ITFG1: variants seen among roughly 807,000 people sequenced by gnomAD.
The protein encoded by ITFG1 is T-cell immunomodulatory protein.
A neutral mutation model predicts 81.8 loss-of-function variants in ITFG1; 34 were observed. That is an observed-to-expected ratio of 0.42 (90% CI 0.32 to 0.55). The LOEUF is 0.55. ITFG1 is among the 20% of genes least tolerant of loss of function. The probability of loss-of-function intolerance (pLI) is 0.17; values close to 1 mark genes in which losing one functional copy is unlikely to be tolerated. For synonymous variants in ITFG1, 285 were observed against 270.6 expected, an observed-to-expected ratio of 1.05 and a Z score of -0.52; for missense variants, 672 against 755.4, an observed-to-expected ratio of 0.89 and a Z score of 1.29.
intron 13 of ITFG1, among the ~76,000 whole-genome samples, chr16:47,230,471 T>C (rs1965803556): frequency 6.6e-6 from 1 of 152,074 alleles, no homozygotes; most frequent in Non-Finnish European, 1.5e-5. Flanking sequence ...GGGTAGTAGC[T>C]GGAGGGGATG....
At chr16:47,326,259 G>C (rs930304788) in intron 8 of ITFG1, among the ~76,000 whole-genome samples, 1 of 152,112 alleles carries the variant, frequency 6.6e-6, no homozygotes, top group Non-Finnish European at 1.5e-5. Flanking sequence ...AATGGCCTTT[G>C]ACAAAATTCA....
At chr16:47,417,848 G>A (rs952761422) in intron 6 of ITFG1, among the ~76,000 whole-genome samples, 4 of 152,148 alleles carry the variant, frequency 2.6e-5, no homozygotes, top group African/African-American at 9.7e-5. Context: ...TGGGGGTACA[G>A]ATATCCCTTC....
chr16:47,203,249 A>T (rs1177494825), intron 14 of ITFG1, among the ~76,000 whole-genome samples: 1 of 152,198 alleles, frequency 6.6e-6, no homozygotes, highest in Non-Finnish European at 1.5e-5. Context: ...TCACAAAAAG[A>T]CAAATACCGT....
At chr16:47,266,897 T>C (rs750418248) in intron 10 of ITFG1, among the ~76,000 whole-genome samples, 3 of 152,168 alleles carry the variant, frequency 2.0e-5, no homozygotes, top group Non-Finnish European at 2.9e-5. Context: ...TACAAAGACA[T>C]GGCTGAACCT....
At chr16:47,300,313 C>T (rs953005376) in intron 10 of ITFG1, among the ~76,000 whole-genome samples, 2 of 152,180 alleles carry the variant, frequency 1.3e-5, no homozygotes, top group Non-Finnish European at 1.5e-5. Flanking sequence ...TGTCTACATG[C>T]TATTTTGCTC....
At chr16:47,227,580 G>T (rs189107268) in intron 13 of ITFG1, among the ~76,000 whole-genome samples, 1 of 152,044 alleles carries the variant, frequency 6.6e-6, no homozygotes, top group Admixed American at 6.6e-5. Context: ...TTATAAAATT[G>T]GGGTTGGAAT....
At chr16:47,444,335 C>T (rs1596988964) in intron 5 of ITFG1, among the ~76,000 whole-genome samples, 1 of 152,072 alleles carries the variant, frequency 6.6e-6, no homozygotes, top group African/African-American at 2.4e-5. Flanking sequence ...ATTTATGTTA[C>T]AAGAAATATG....
At chr16:47,276,978 C>T (rs915226775) in intron 10 of ITFG1, among the ~76,000 whole-genome samples, 1 of 152,056 alleles carries the variant, frequency 6.6e-6, no homozygotes, top group South Asian at 2.1e-4. Flanking sequence ...TAAATAAGAT[C>T]GAGAAAAGCT....
intron 13 of ITFG1, among the ~76,000 whole-genome samples, chr16:47,228,410 A>G (rs1965780517): frequency 6.6e-6 from 1 of 152,002 alleles, no homozygotes; most frequent in Non-Finnish European, 1.5e-5. Context: ...CCCAGGCTGG[A>G]GCCCAGTGGC....
chr16:47,239,233 G>A (rs1965907507), intron 12 of ITFG1, among the ~76,000 whole-genome samples: 1 of 148,656 alleles, frequency 6.7e-6, no homozygotes, highest in Admixed American at 6.7e-5. Flanking sequence ...ACAGTCTCTT[G>A]CTCTGTCGCC....
intron 6 of ITFG1, among the ~76,000 whole-genome samples, chr16:47,391,636 G>A (rs989976955): frequency 3.3e-5 from 5 of 152,182 alleles, no homozygotes; most frequent in African/African-American, 1.2e-4. Context: ...AAAACACTAA[G>A]TATAATTCTG....
At chr16:47,368,757 T>C (rs1339642388) in intron 7 of ITFG1, among the ~76,000 whole-genome samples, 2 of 152,006 alleles carry the variant, frequency 1.3e-5, no homozygotes, top group Non-Finnish European at 1.5e-5. Flanking sequence ...GGTAAATATA[T>C]CTAGAAATAT....
rs1035945992 is a variant in ITFG1, at chr16:47,268,652, C to T, written c.1071-7957G>A. 2.0e-4 allele frequency among the ~76,000 whole-genome samples: 31 copies of T among 152,174 alleles called. 1 individual carries two copies. Among genetic ancestry groups the T allele is most frequent in the Admixed American group, 1.9e-3 (29 of 15,274 alleles). ...CAGTCAGATCTTGATTTGCACAGTT[C>T]AGTGTTCATTGAAACGTGTGCATTT... On this transcript the variant is annotated intron_variant, in intron 10 of 17. Coordinates refer to ENST00000320640, the MANE Select transcript of ITFG1 (RefSeq NM_030790.5).
intron 8 of ITFG1, among the ~76,000 whole-genome samples, chr16:47,321,831 T>C (rs1417742857): frequency 3.3e-5 from 5 of 152,220 alleles, no homozygotes; most frequent in Admixed American, 6.5e-5. Flanking sequence ...ATATATGGCA[T>C]GCATGAACAT....
intron 14 of ITFG1, among the ~76,000 whole-genome samples, chr16:47,188,786 C>CA (rs1965257928): frequency 6.6e-6 from 1 of 151,208 alleles, no homozygotes; most frequent in African/African-American, 2.4e-5. Context: ...AAAAAAAATA[C>CA]AAAAAAAGTG....
At chr16:47,413,601 T>C (rs1321051409) in intron 6 of ITFG1, among the ~76,000 whole-genome samples, 1 of 152,008 alleles carries the variant, frequency 6.6e-6, no homozygotes, top group Non-Finnish European at 1.5e-5. Context: ...GAGGCTGAAG[T>C]GGGAGGATCA....
intron 9 of ITFG1, chr16:47,313,008 GT>G (rs1180861023): frequency 6.6e-6 from 1 of 152,096 alleles, no homozygotes. Flanking sequence ...ACAGTTAAAT[GT>G]TTTCATTTAT....
intron 12 of ITFG1, among the ~76,000 whole-genome samples, chr16:47,253,843 G>A (rs529445450): frequency 3.9e-5 from 6 of 152,098 alleles, no homozygotes; most frequent in East Asian, 1.9e-4. Context: ...ACCTCCTGTC[G>A]TGCGGCCTGG....
chr16:47,189,037 T>C (rs993882175), intron 14 of ITFG1, among the ~76,000 whole-genome samples: 1 of 152,216 alleles, frequency 6.6e-6, no homozygotes. Context: ...GTGCTGGGAT[T>C]ACAGGCTTTA....
Sources: allele counts gnomAD v4.1 joint callset (sites outside exome capture counted in the v4.1 genomes callset), GRCh38; gene constraint gnomAD v4.1.1; transcripts MANE v1.5; gene names NCBI Gene and HGNC (gene_info 2026-07-23, HGNC 2026-07-21).